The following CDYL2 variants were observed in gnomAD, a reference collection of about 807,000 sequenced individuals.
The protein encoded by CDYL2 is chromodomain Y-like protein 2.
CDYL2 carries 23 observed loss-of-function variants against 49.4 expected under a neutral mutation model. That is an observed-to-expected ratio of 0.47 (90% confidence interval 0.34 to 0.66). The LOEUF is 0.66. Among genes scored for constraint, CDYL2 ranks in the 30% least tolerant of loss-of-function variants. The pLI is 0.01. For synonymous variants in CDYL2, 360 were observed against 268.8 expected (o/e 1.34, Z -3.32); for missense variants, 678 against 656.4 (o/e 1.03, Z -0.36).
At chr16:80,800,421 CT>C (rs1907890336) in intron 1 of CDYL2, among the ~76,000 whole-genome samples, 1 of 152,170 alleles carries the variant, frequency 6.6e-6, no homozygotes, top group Admixed American at 6.5e-5. Context: ...TTCCACAGCT[CT>C]TTAGCGGTCT....
intron 2 of CDYL2, among the ~76,000 whole-genome samples, chr16:80,652,051 G>C (rs979735754): frequency 2.0e-5 from 3 of 152,162 alleles, no homozygotes; most frequent in Non-Finnish European, 2.9e-5. Context: ...CTATAGATAA[G>C]GGTATATACA....
intron 1 of CDYL2, among the ~76,000 whole-genome samples, chr16:80,795,260 C>G (rs908120762): frequency 3.3e-5 from 5 of 152,138 alleles, no homozygotes; most frequent in African/African-American, 1.2e-4. Flanking sequence ...CCTCAAGTCT[C>G]CATGTTGAAA....
At chr16:80,799,733 T>G (rs1257323477) in intron 1 of CDYL2, among the ~76,000 whole-genome samples, 1 of 152,212 alleles carries the variant, frequency 6.6e-6, no homozygotes, top group Admixed American at 6.5e-5. Context: ...AAAAGCCTAC[T>G]TGAAAATAAG....
chr16:80,773,374 T>C (rs1906970948), intron 1 of CDYL2, among the ~76,000 whole-genome samples: 1 of 152,078 alleles, frequency 6.6e-6, no homozygotes, highest in Non-Finnish European at 1.5e-5. Flanking sequence ...ATTTCCATAA[T>C]CGGAACAGAG....
intron 1 of CDYL2, among the ~76,000 whole-genome samples, chr16:80,747,992 G>C (rs1905989897): frequency 6.6e-6 from 1 of 151,814 alleles, no homozygotes; most frequent in Non-Finnish European, 1.5e-5. Context: ...TAAACCATGA[G>C]CTCTTCAAAA....
chr16:80,779,298 T>C (rs1214618542), intron 1 of CDYL2, among the ~76,000 whole-genome samples: 3 of 152,098 alleles, frequency 2.0e-5, no homozygotes, highest in African/African-American at 7.2e-5. Context: ...TTAATGGTTT[T>C]AAAAATCTTT....
chr16:80,620,801 G>A lies in CDYL2; in HGVS notation c.969C>T (p.Asp323=). The change falls in exon 4 of 7, where the codon GAC becomes GAT. Residue 323 remains aspartate, a synonymous_variant. Transcript: ENST00000570137. ...YSYLIGRLSS[D]RRKESTRIAE... ...CAATCCGAGTGCTCTCCTTTCGCCG[G>A]TCGCTGGACAACCGGCCAATTAGGT... 1 of 1,610,242 alleles carries A rather than the reference G, an allele frequency of 6.2e-7. No homozygotes were observed. The highest frequency in any genetic ancestry group is 8.5e-7 in the Non-Finnish European group (1 of 1,177,434).
chr16:80,736,507 T>C (rs540944819), intron 1 of CDYL2: 11 of 152,328 alleles, frequency 7.2e-5, no homozygotes, highest in Admixed American at 7.2e-4. Flanking sequence ...GCTGGGAAGA[T>C]ATCAACAGGT....
intron 2 of CDYL2, among the ~76,000 whole-genome samples, chr16:80,674,531 G>A (rs1437793304): frequency 1.3e-5 from 2 of 152,074 alleles, no homozygotes; most frequent in Non-Finnish European, 1.5e-5. Flanking sequence ...GACTTGCAGA[G>A]TTGTGCAACT....
chr16:80,753,615 A>C (rs1194302500), intron 1 of CDYL2, among the ~76,000 whole-genome samples: 1 of 151,628 alleles, frequency 6.6e-6, no homozygotes, highest in Admixed American at 6.6e-5. Flanking sequence ...TCTCAAAAAA[A>C]GAAAAAAAAA....
chr16:80,728,735 T>A (rs185062552), intron 1 of CDYL2, among the ~76,000 whole-genome samples: 52 of 152,306 alleles, frequency 3.4e-4, no homozygotes, highest in African/African-American at 1.2e-3. Flanking sequence ...CCCATCAGAC[T>A]AACAGCGAGC....
chr16:80,700,708 A>G (rs1308006332), intron 1 of CDYL2, among the ~76,000 whole-genome samples: 2 of 152,232 alleles, frequency 1.3e-5, no homozygotes. Flanking sequence ...GTAAATGGAT[A>G]TACCCTTTAG....
chr16:80,756,229 A>C (rs533392078), intron 1 of CDYL2, among the ~76,000 whole-genome samples: 1 of 152,228 alleles, frequency 6.6e-6, no homozygotes, highest in Admixed American at 6.5e-5. Flanking sequence ...TAAAAGTGGA[A>C]ATTTATTCAT....
intron 1 of CDYL2, among the ~76,000 whole-genome samples, chr16:80,759,277 T>C (rs1186153208): frequency 2.6e-5 from 4 of 151,390 alleles, no homozygotes; most frequent in Non-Finnish European, 4.4e-5. Flanking sequence ...TTGGGTATAT[T>C]TGTGCCTTTT....
chr16:80,733,046 T>A (rs138145931), intron 1 of CDYL2, among the ~76,000 whole-genome samples: 1 of 152,096 alleles, frequency 6.6e-6, no homozygotes, highest in African/African-American at 2.4e-5. Context: ...GTGACTGTTA[T>A]AGCAACAAGC....
chr16:80,650,847 T>G (rs1393416363), intron 2 of CDYL2, among the ~76,000 whole-genome samples: 2 of 151,864 alleles, frequency 1.3e-5, no homozygotes, highest in African/African-American at 4.8e-5. Context: ...GTCATTCTGC[T>G]GAGTGAAAGA....
intron 2 of CDYL2, among the ~76,000 whole-genome samples, chr16:80,660,156 T>C (rs1047348431): frequency 6.6e-6 from 1 of 152,080 alleles, no homozygotes; most frequent in Non-Finnish European, 1.5e-5. Context: ...AGAAAATTTA[T>C]CTACCACAGA....
At chr16:80,729,175 G>C (rs1284767413) in intron 1 of CDYL2, among the ~76,000 whole-genome samples, 4 of 152,162 alleles carry the variant, frequency 2.6e-5, no homozygotes, top group Non-Finnish European at 4.4e-5. Context: ...AAAGAGTTAA[G>C]ACCCTTCAGT....
intron 2 of CDYL2, among the ~76,000 whole-genome samples, chr16:80,650,491 G>C (rs1401411294): frequency 6.6e-6 from 1 of 152,170 alleles, no homozygotes; most frequent in African/African-American, 2.4e-5. Context: ...AGGATGTGGA[G>C]AAAAGGGAAC....
Sources: allele counts gnomAD v4.1 joint callset (sites outside exome capture counted in the v4.1 genomes callset), GRCh38; gene constraint gnomAD v4.1.1; transcripts MANE v1.5; gene names NCBI Gene and HGNC (gene_info 2026-07-23, HGNC 2026-07-21).